GSG1L: variants seen among roughly 807,000 people sequenced by gnomAD.
GSG1L encodes the protein germ cell-specific gene 1-like protein.
Under a neutral mutation model 42.1 loss-of-function variants are expected in GSG1L, and 24 were observed. That is an observed-to-expected ratio of 0.57 (90% CI 0.41 to 0.80). The LOEUF (loss-of-function observed/expected upper bound fraction) is 0.80, where lower values mean the gene tolerates loss of function less well. GSG1L is among the 30% of genes least tolerant of loss of function. The pLI is 0.00. For missense variants in GSG1L, 445 were observed against 472.2 expected, an observed-to-expected ratio of 0.94 and a Z score of 0.53; for synonymous variants, 215 against 203.5, an observed-to-expected ratio of 1.06 and a Z score of -0.48.
intron 2 of GSG1L, among the ~76,000 whole-genome samples, chr16:27,937,058 C>CTGATGT (rs1222766348): frequency 6.6e-6 from 1 of 152,192 alleles, no homozygotes; most frequent in Non-Finnish European, 1.5e-5. Flanking sequence ...CTTCGCTGCT[C>CTGATGT]TGATGTTCAC....
chr16:27,791,699 T>A (rs2082755514), intron 6 of GSG1L, among the ~76,000 whole-genome samples: 1 of 152,010 alleles, frequency 6.6e-6, no homozygotes, highest in Non-Finnish European at 1.5e-5. Context: ...GACCTAGTCA[T>A]GTATCTGCCA....
chr16:27,923,301 G>A lies in GSG1L; in HGVS notation c.398-38663C>T, dbSNP rs535531847. Among the ~76,000 whole-genome samples, 85 of 152,224 alleles carry A rather than the reference G, an allele frequency of 5.6e-4. 1 individual carries two copies. Among genetic ancestry groups the A allele is most frequent in the East Asian group, 1.2e-3 (6 of 5,160 alleles). ...AGTGGCTGTTCTGCCCCTGTACCCC[G>A]AGAAGGCTCCTGCTCCCCAGGAGGA... On this transcript the variant is annotated intron_variant, in intron 2 of 6. Transcript: ENST00000447459.
chr16:27,887,030 C>A (rs1833774), intron 2 of GSG1L, among the ~76,000 whole-genome samples: 24,411 of 151,840 alleles, frequency 0.16, 3,152 homozygotes, highest in African/African-American at 0.32. Flanking sequence ...ATCATAGCTC[C>A]CAGCAACCTC....
chr16:27,933,262 C>T (rs2084676578), intron 2 of GSG1L, among the ~76,000 whole-genome samples: 1 of 152,160 alleles, frequency 6.6e-6, no homozygotes, highest in African/African-American at 2.4e-5. Flanking sequence ...AGCTCACTCT[C>T]TTCTCCCGAG....
intron 1 of GSG1L, among the ~76,000 whole-genome samples, chr16:27,970,525 C>T (rs2085183725): frequency 6.6e-6 from 1 of 151,488 alleles, no homozygotes. Context: ...TGAGCCAAGA[C>T]CACGCCATTG....
At chr16:27,803,961 AGAT>A (rs1382572992) in intron 6 of GSG1L, among the ~76,000 whole-genome samples, 1 of 151,762 alleles carries the variant, frequency 6.6e-6, no homozygotes, top group Non-Finnish European at 1.5e-5. Context: ...TAAGATTTAT[AGAT>A]GATAGATGAT....
At chr16:27,899,269 T>G (rs529204740) in intron 2 of GSG1L, among the ~76,000 whole-genome samples, 2 of 152,258 alleles carry the variant, frequency 1.3e-5, no homozygotes, top group African/African-American at 4.8e-5. Flanking sequence ...TGTAGCCCAG[T>G]GTTTAAGGGC....
At chr16:27,848,905 G>A (rs1413319140) in intron 3 of GSG1L, among the ~76,000 whole-genome samples, 4 of 151,790 alleles carry the variant, frequency 2.6e-5, no homozygotes, top group East Asian at 3.9e-4. Flanking sequence ...GTGAGCAAGG[G>A]GTAGGATGGG....
intron 4 of GSG1L, among the ~76,000 whole-genome samples, chr16:27,840,274 C>A (rs1377324402): frequency 1.3e-5 from 2 of 151,930 alleles, no homozygotes; most frequent in Non-Finnish European, 2.9e-5. Flanking sequence ...TGGCCTCTGG[C>A]GATTCTCCCA....
chr16:27,933,907 G>C (rs1038786042), intron 2 of GSG1L, among the ~76,000 whole-genome samples: 16 of 152,182 alleles, frequency 1.1e-4, no homozygotes, highest in Non-Finnish European at 4.4e-5. Flanking sequence ...TCTGCTGGTA[G>C]CCAAAGTCCC....
intron 1 of GSG1L, among the ~76,000 whole-genome samples, chr16:28,030,273 G>A (rs774095803): frequency 6.6e-6 from 1 of 152,132 alleles, no homozygotes; most frequent in Non-Finnish European, 1.5e-5. Flanking sequence ...CCCAAGCCTA[G>A]CCTATCAGAG....
intron 2 of GSG1L, among the ~76,000 whole-genome samples, chr16:27,907,436 C>T (rs1393721804): frequency 6.6e-6 from 1 of 152,232 alleles, no homozygotes; most frequent in Admixed American, 6.5e-5. Flanking sequence ...CCTTCCTTGA[C>T]TGTCCCTGCA....
intron 1 of GSG1L, among the ~76,000 whole-genome samples, chr16:27,996,959 G>A (rs566834041): frequency 6.6e-6 from 1 of 152,110 alleles, no homozygotes; most frequent in African/African-American, 2.4e-5. Context: ...ACAGGGTTTC[G>A]CCATGTTGGC....
intron 2 of GSG1L, among the ~76,000 whole-genome samples, chr16:27,927,329 G>T (rs565979399): frequency 6.6e-6 from 1 of 152,048 alleles, no homozygotes; most frequent in African/African-American, 2.4e-5. Context: ...TGTAGAGATG[G>T]GGTCTCACGG....
intron 4 of GSG1L, among the ~76,000 whole-genome samples, chr16:27,835,556 C>T (rs1358357972): frequency 1.3e-5 from 2 of 151,814 alleles, no homozygotes; most frequent in African/African-American, 4.8e-5. Flanking sequence ...TTCTTTCCTG[C>T]TTGTTCCTCT....
At chr16:27,959,486 G>A (rs1418660593) in intron 2 of GSG1L, among the ~76,000 whole-genome samples, 1 of 126,660 alleles carries the variant, frequency 7.9e-6, no homozygotes, top group Non-Finnish European at 1.6e-5. Flanking sequence ...GAGAAGAGAG[G>A]AGACGAGACA....
chr16:27,859,407 G>A (rs370981703), intron 3 of GSG1L, among the ~76,000 whole-genome samples: 44 of 152,322 alleles, frequency 2.9e-4, no homozygotes, highest in Middle Eastern at 3.4e-3. Flanking sequence ...GGGGGGTCTC[G>A]GCACCATGCC....
intron 3 of GSG1L, among the ~76,000 whole-genome samples, chr16:27,866,590 G>A (rs993110239): frequency 2.0e-5 from 3 of 151,654 alleles, no homozygotes; most frequent in Non-Finnish European, 2.9e-5. Flanking sequence ...TAATTTTTTC[G>A]AGACAGAGTC....
chr16:27,974,213 G>C (rs2085226548), intron 1 of GSG1L, among the ~76,000 whole-genome samples: 1 of 152,192 alleles, frequency 6.6e-6, no homozygotes, highest in African/African-American at 2.4e-5. Flanking sequence ...GATTCCAAGA[G>C]GAGAAGATGT....
Sources: allele counts gnomAD v4.1 joint callset (sites outside exome capture counted in the v4.1 genomes callset), GRCh38; gene constraint gnomAD v4.1.1; transcripts MANE v1.5; gene names NCBI Gene and HGNC (gene_info 2026-07-23, HGNC 2026-07-21).